Variants in PTPRU observed in about 807,000 individuals in gnomAD.
PTPRU encodes the protein receptor-type tyrosine-protein phosphatase U.
Under a neutral mutation model 166.3 loss-of-function variants are expected in PTPRU, and 69 were observed. The ratio of observed to expected loss-of-function variants is 0.41; its 90% CI spans 0.34 to 0.51. PTPRU has a LOEUF of 0.51. PTPRU is among the 20% of genes least tolerant of loss of function. The pLI is 0.09. For synonymous variants in PTPRU, 793 were observed against 814.0 expected (o/e 0.97, Z 0.44); for missense variants, 1,657 against 2,013.7 (o/e 0.82, Z 3.39).
At chr1:29,249,280 C>T (rs1362974554) in intron 1 of PTPRU, among the ~76,000 whole-genome samples, 1 of 152,266 alleles carries the variant, frequency 6.6e-6, no homozygotes, top group East Asian at 1.9e-4. Context: ...AGAGGCAGCT[C>T]TGCCCCTTAC....
At chr1:29,295,320 C>T (rs564176222) in intron 15 of PTPRU, among the ~76,000 whole-genome samples, 24 of 152,242 alleles carry the variant, frequency 1.6e-4, no homozygotes, top group African/African-American at 5.1e-4. Context: ...GTTGGGATTA[C>T]AGGCATGAGC....
Position 29,320,467 on chromosome 1 carries a change from G to T in PTPRU, c.3688-218G>T. 2.3e-6 allele frequency: 1 copy of T among 425,556 alleles called. No individual in the cohort carries two copies. The allele number at this position is 425,556 out of a possible 1,614,324, so 26.4% of individuals were successfully genotyped here. A position where few individuals can be genotyped will look rare whatever the true frequency, so the allele number is the denominator to read the frequency against. ...AAACTTTTGCTGTTTAGTTCTGGGG[G>T]GTCATGGGCTTGGTCCCCAGAGGCC... On this transcript the variant is annotated intron_variant, in intron 25 of 29. Coordinates refer to ENST00000373779, the MANE Select transcript of PTPRU (RefSeq NM_133178.4). The surrounding 1 kb of genome is among the most constrained non-coding windows in gnomAD (Gnocchi z 5.2).
In PTPRU at chr1:29,304,843, C is replaced by A. The variant is rs1004920455; in HGVS notation, c.2737C>A (p.Pro913Thr). The A allele has an allele frequency of 6.2e-7, 1 of 1,610,444 alleles. No individual in the cohort carries two copies. Among genetic ancestry groups the A allele is most frequent in the East Asian group, 2.2e-5 (1 of 44,752 alleles). ...KVKGSRQEPM[P>T]AYDRHRVKLH... ...CAAGGGCAGCCGGCAGGAGCCAATG[C>A]CTGCCTGTGAGTCCTGGGGAAGGGC... is the stretch of plus-strand genomic sequence containing the variant. The change falls in exon 17 of 30, where the codon CCT becomes ACT. Residue 913 changes from proline to threonine, a missense_variant. Around this residue, in one of 3 missense-constraint regions of PTPRU, gnomAD observed 1,190 missense variants for 1,477.4 expected, o/e 0.81. Transcript: ENST00000373779.
In PTPRU at chr1:29,257,724, A is replaced by G. The variant is rs1261198427; in HGVS notation, c.206-781A>G. Among the ~76,000 whole-genome samples, 1 of 152,148 alleles carries G rather than the reference A, an allele frequency of 6.6e-6. No homozygotes were observed. The highest frequency in any genetic ancestry group is 1.5e-5 in the Non-Finnish European group (1 of 68,020). On this transcript the variant is annotated intron_variant, in intron 2 of 29. Coordinates refer to ENST00000373779, the MANE Select transcript of PTPRU (RefSeq NM_133178.4). This position sits in a 1 kb window ranked among gnomAD's most constrained non-coding sequence, Gnocchi z 4.6. Reference sequence around the variant, plus strand: ...CATTCAGCTTGCGTCCTGAGGCCTCACAGCCTGGTGGGAGACACACAGGCA... The same window carrying G: ...CATTCAGCTTGCGTCCTGAGGCCTCGCAGCCTGGTGGGAGACACACAGGCA...
In PTPRU at chr1:29,326,215, T is replaced by G. The variant is rs1046965207; in HGVS notation, c.*554T>G. On this transcript the variant is annotated 3_prime_UTR_variant, in exon 30 of 30. Transcript: ENST00000373779. ...CACTGACTGTCCTCCCCAGGGGAAC[T>G]GCAGCGCCCTCCTCCCCACTGCCCC... 4.1e-6 allele frequency: 1 copy of G among 242,434 alleles called. No individual in the cohort carries two copies. The highest frequency in any genetic ancestry group is 7.9e-6 in the Non-Finnish European group (1 of 126,798). 15.0% of individuals were successfully genotyped at this position (242,434 alleles called of 1,614,324 possible).
chr1:29,304,934 A>G lies in PTPRU; in HGVS notation c.2743+85A>G, dbSNP rs947011748. 8 of 1,311,850 alleles carry G rather than the reference A, an allele frequency of 6.1e-6. 1 individual carries two copies. The highest frequency in any genetic ancestry group is 2.0e-4 in the Middle Eastern group (1 of 4,936). 81.3% of individuals were successfully genotyped at this position (1,311,850 alleles called of 1,614,324 possible). Reference sequence around the variant, plus strand: ...GAACACAGCCAGGGTGAGCTGGGGCAGCCTCAGAGATGATAGTAGCATTGG... The same window carrying G: ...GAACACAGCCAGGGTGAGCTGGGGCGGCCTCAGAGATGATAGTAGCATTGG... On this transcript the variant is annotated intron_variant, in intron 17 of 29. Coordinates refer to ENST00000373779, the MANE Select transcript of PTPRU (RefSeq NM_133178.4).
intron 22 of PTPRU, among the ~76,000 whole-genome samples, chr1:29,314,847 G>C (rs1367141105): frequency 6.6e-6 from 1 of 152,118 alleles, no homozygotes; most frequent in Non-Finnish European, 1.5e-5. Context: ...CCAGAGTGCT[G>C]GGATTACAGG....
chr1:29,274,703 T>C (rs1685716722), intron 7 of PTPRU, among the ~76,000 whole-genome samples: 1 of 152,192 alleles, frequency 6.6e-6, no homozygotes, highest in African/African-American at 2.4e-5. Context: ...TGATTCAGAC[T>C]GGCCTGTTGT....
At chr1:29,307,903 G>A (rs1179280734) in intron 18 of PTPRU, among the ~76,000 whole-genome samples, 1 of 151,788 alleles carries the variant, frequency 6.6e-6, no homozygotes, top group Non-Finnish European at 1.5e-5. Context: ...TGGAATTACA[G>A]GCATGCACCA....
Position 29,282,701 on chromosome 1 carries a change from G to C in PTPRU, c.1894G>C (p.Glu632Gln). 2 of 1,612,862 alleles carry C rather than the reference G, an allele frequency of 1.2e-6. No individual in the cohort carries two copies. Among genetic ancestry groups the C allele is most frequent in the Non-Finnish European group, 1.7e-6 (2 of 1,179,908 alleles). ...TGTGTACCAGGTGATTGTGGAGGAGGAGCGGGCGCGGAGGCTGCGGCGGGA... is the reference window on the plus strand; with the variant it reads ...TGTGTACCAGGTGATTGTGGAGGAGCAGCGGGCGCGGAGGCTGCGGCGGGA... Reference protein sequence around the residue: ...ISVYQVIVEEERARRLRREPG... With the variant: ...ISVYQVIVEEQRARRLRREPG... The change falls in exon 12 of 30, where the codon GAG (glutamate) becomes CAG (glutamine). Residue 632 changes from glutamate (E) to glutamine (Q), a missense_variant. Glu to Gln is a conservative substitution (Grantham distance 29). This residue lies in a region of PTPRU where 1,190 missense variants were observed against 1,477.4 expected (regional missense o/e 0.81). Coordinates refer to ENST00000373779, the MANE Select transcript of PTPRU (RefSeq NM_133178.4).
Position 29,259,287 on chromosome 1 carries a change from A to T in PTPRU, c.504A>T (p.Pro168=). 1 of 1,614,032 alleles carries T rather than the reference A, an allele frequency of 6.2e-7. No homozygotes were observed. Among genetic ancestry groups the T allele is most frequent in the East Asian group, 2.2e-5 (1 of 44,858 alleles). ...TGCTGTTTGAGGCCCTCATCTCCCCAGACCGCAGGGGCTACATGGGCCTAG... is the reference window on the plus strand; with the variant it reads ...TGCTGTTTGAGGCCCTCATCTCCCCTGACCGCAGGGGCTACATGGGCCTAG... ...YQVLFEALIS[P]DRRGYMGLDD... is the part of the protein sequence containing the mutation. Residue 168 remains proline, a synonymous_variant, in exon 4 of 30, where the codon CCA becomes CCT. Transcript: ENST00000373779.
intron 5 of PTPRU, 35 bp from the exon 6 acceptor site, chr1:29,259,835 A>G (rs1364239941): frequency 6.6e-7 from 1 of 1,507,598 alleles, no homozygotes; most frequent in Admixed American, 2.1e-5. Context: ...CCTCGCTCCG[A>G]GGCGCCCCTG....
rs1340617474 is a variant in PTPRU at position 29,320,400 on chromosome 1, G to A, written c.3688-285G>A. 3 of 340,792 alleles carry A rather than the reference G, an allele frequency of 8.8e-6. No individual in the cohort carries two copies. The East Asian group carries it at 1.3e-4, about 15-fold the overall frequency. 21.1% of individuals were successfully genotyped at this position (340,792 alleles called of 1,614,324 possible). On this transcript the variant is annotated intron_variant, in intron 25 of 29. Transcript: ENST00000373779. This position sits in a 1 kb window ranked among gnomAD's most constrained non-coding sequence, Gnocchi z 5.2. ...AGTAAGCTCGGCCAGCCTCTGCCTT[G>A]AGCTCAGCCTCATGCCCAAGCTCCC...
rs1210261164 is a variant in PTPRU at position 29,237,667 on chromosome 1, G to C, written c.73+950G>C. On this transcript the variant is annotated intron_variant, in intron 1 of 29. Transcript: ENST00000373779. This position sits in a 1 kb window ranked among gnomAD's most constrained non-coding sequence, Gnocchi z 6.4. ...AGGGCCCGAGGCTCAGGGGAGGACC[G>C]GGCCCCGCGGCCGCCGCCTCGGGCA... Among the ~76,000 whole-genome samples, 2 of 151,280 alleles carry C rather than the reference G, an allele frequency of 1.3e-5. No homozygotes were observed. The highest frequency in any genetic ancestry group is 4.8e-5 in the African/African-American group (2 of 41,330).
intron 29 of PTPRU, 94 bp from the exon 30 acceptor site, chr1:29,325,505 C>T: frequency 6.6e-7 from 1 of 1,514,460 alleles, no homozygotes; most frequent in Non-Finnish European, 9.1e-7. Context: ...TGGGCTCGGG[C>T]TCGTGCTTGC....
intron 1 of PTPRU, among the ~76,000 whole-genome samples, chr1:29,245,522 T>G (rs1275059850): frequency 1.3e-5 from 2 of 152,188 alleles, no homozygotes; most frequent in African/African-American, 4.8e-5. Context: ...TGTCTGGGAT[T>G]CCTGGGTCCA....
Position 29,315,239 on chromosome 1 carries a change from G to C in PTPRU, c.3228-133G>C. 1 of 1,127,976 alleles carries C rather than the reference G, an allele frequency of 8.9e-7. No individual in the cohort carries two copies. The highest frequency in any genetic ancestry group is 1.3e-6 in the Non-Finnish European group (1 of 793,006). 69.9% of individuals were successfully genotyped at this position (1,127,976 alleles called of 1,614,324 possible). ...GCCTGCGTCCTGGCTCCTTACTCGG[G>C]GAGGGGCAGTCATCTCTGTGTCCGT... On this transcript the variant is annotated intron_variant, in intron 22 of 29. Coordinates refer to ENST00000373779, the MANE Select transcript of PTPRU (RefSeq NM_133178.4). This position sits in a 1 kb window ranked among gnomAD's most constrained non-coding sequence, Gnocchi z 4.5.
At chr1:29,299,865 A>T (rs1687058930) in intron 15 of PTPRU, among the ~76,000 whole-genome samples, 1 of 151,762 alleles carries the variant, frequency 6.6e-6, no homozygotes, top group African/African-American at 2.4e-5. Context: ...CGTTACGGAC[A>T]CTCCTTGGAA....
rs1315591952 is a variant in PTPRU, at chr1:29,257,620, T to C, written c.206-885T>C. Among the ~76,000 whole-genome samples, 1 of 152,208 alleles carries C rather than the reference T, an allele frequency of 6.6e-6. No individual in the cohort carries two copies. Among genetic ancestry groups the C allele is most frequent in the East Asian group, 1.9e-4 (1 of 5,190 alleles). Reference sequence around the variant, plus strand: ...CCAGGTTGGAAGTCAAGGGGATTTGTATTCCAGGAATTTAGACTCAGGGAT... The same window carrying C: ...CCAGGTTGGAAGTCAAGGGGATTTGCATTCCAGGAATTTAGACTCAGGGAT... On this transcript the variant is annotated intron_variant, in intron 2 of 29. Transcript: ENST00000373779. This position sits in a 1 kb window ranked among gnomAD's most constrained non-coding sequence, Gnocchi z 4.6.
Sources: gnomAD v4.1 joint callset for allele counts (sites outside exome capture counted in the v4.1 genomes callset) on GRCh38, gnomAD v4.1.1 for gene constraint, gnomAD v4.1.1 regional missense constraint, Gnocchi (gnomAD v3.1) non-coding constraint, MANE v1.5 for transcripts, NCBI Gene and HGNC (gene_info 2026-07-23, HGNC 2026-07-21) for gene names.